Variants in CUBN observed in about 807,000 individuals in gnomAD.
The protein encoded by CUBN is cubilin, also known as 460 kDa receptor.
Under a neutral mutation model 405.3 loss-of-function variants are expected in CUBN, and 282 were observed. That is an observed-to-expected ratio of 0.70 (90% CI 0.63 to 0.77). The LOEUF (loss-of-function observed/expected upper bound fraction) is 0.77, where lower values mean the gene tolerates loss of function less well. Ranked by LOEUF, CUBN falls within the 30% of genes least tolerant of loss-of-function variation. The probability of loss-of-function intolerance (pLI) is 0.00; values close to 1 mark genes in which losing one functional copy is unlikely to be tolerated. For synonymous variants in CUBN, 1,684 were observed against 1,617.0 expected (o/e 1.04, Z -0.99); for missense variants, 4,514 against 4,475.2 (o/e 1.01, Z -0.25).
intron 65 of CUBN, among the ~76,000 whole-genome samples, chr10:16,829,937 G>T (rs4747285): frequency 0.3 from 43,365 of 143,716 alleles, 7,477 homozygotes; most frequent in African/African-American, 0.49. Flanking sequence ...GGTTTTTTTT[G>T]TTTTGTTTTT....
At position 16,829,022 on chromosome 10, in the gene CUBN, T is replaced by A. The variant is rs749941489; in HGVS notation, c.10547A>T (p.Tyr3516Phe). 6.7e-5 allele frequency: 108 copies of A among 1,613,896 alleles called. No homozygotes were observed. The highest frequency in any genetic ancestry group is 9.0e-5 in the Non-Finnish European group (106 of 1,179,950). The change falls in exon 66 of 67, where the codon TAT (tyrosine) becomes TTT (phenylalanine). Residue 3516 changes from tyrosine to phenylalanine, a missense_variant. Tyr to Phe is a conservative substitution (Grantham distance 22). This residue lies in a region of CUBN where 1,186 missense variants were observed against 1,186.9 expected (regional missense o/e 1.00). Coordinates refer to ENST00000377833, the MANE Select transcript of CUBN (RefSeq NM_001081.4). ...GCTGGTGAATGAGCCTCTGTCTCCA[T>A]AAAGAGTTCCACCACATCCTGCAAG... is the stretch of plus-strand genomic sequence containing the variant. ...SSPSGCGGTL[Y>F]GDRGSFTSPG...
chr10:17,006,762 C>T (rs576454167), intron 28 of CUBN, among the ~76,000 whole-genome samples: 3 of 145,984 alleles, frequency 2.1e-5, no homozygotes, highest in Admixed American at 1.4e-4. Flanking sequence ...GATGTTGACA[C>T]GGTTTTTAAA....
intron 60 of CUBN, among the ~76,000 whole-genome samples, chr10:16,845,541 T>C (rs1839484313): frequency 1.3e-5 from 2 of 152,200 alleles, no homozygotes; most frequent in African/African-American, 4.8e-5. Context: ...TAGTCCCAGA[T>C]GTCTGGGAAA....
chr10:16,827,651 G>T (rs1430808296), intron 66 of CUBN, among the ~76,000 whole-genome samples: 2 of 152,238 alleles, frequency 1.3e-5, no homozygotes, highest in Non-Finnish European at 2.9e-5. Flanking sequence ...GCCCAGGCTG[G>T]AGTGGAGTGG....
At chr10:16,901,314 T>A (rs745399619) in intron 52 of CUBN, 24 bp downstream of exon 52, 15 of 1,613,890 alleles carry the variant, frequency 9.3e-6, no homozygotes, top group Non-Finnish European at 1.3e-5. Flanking sequence ...CTCAGAAGCA[T>A]TTCACCCAGT....
rs7895036 is a variant in CUBN, at chr10:16,939,369, C to T, written c.5549-222G>A. On this transcript the variant is annotated intron_variant, in intron 37 of 66. Coordinates refer to ENST00000377833, the MANE Select transcript of CUBN (RefSeq NM_001081.4). ...TGCATGGTGTGAAAAGAGGCCACAA[C>T]TTCCCATGTGAAAAGGGGTTCTGAG... Among the ~76,000 whole-genome samples, 381 of 152,278 alleles carry T rather than the reference C, an allele frequency of 2.5e-3. 1 individual carries two copies. The highest frequency in any genetic ancestry group is 8.9e-3 in the African/African-American group (368 of 41,564).
chr10:16,944,813 T>C (rs1473013274), intron 36 of CUBN, among the ~76,000 whole-genome samples: 1 of 152,194 alleles, frequency 6.6e-6, no homozygotes, highest in Non-Finnish European at 1.5e-5. Context: ...TAATCTCCCA[T>C]CCTCTGGAAG....
At chr10:16,955,987 T>C (rs1454551257) in intron 31 of CUBN, among the ~76,000 whole-genome samples, 6 of 151,992 alleles carry the variant, frequency 3.9e-5, no homozygotes, top group African/African-American at 1.5e-4. Flanking sequence ...TAAAAACAAA[T>C]TGCCATTTAT....
chr10:17,030,089 T>C (rs1452413097), intron 27 of CUBN, among the ~76,000 whole-genome samples: 2 of 152,212 alleles, frequency 1.3e-5, no homozygotes, highest in African/African-American at 4.8e-5. Flanking sequence ...GAGAATCGAA[T>C]GCCTGATAAT....
chr10:17,088,445 T>C, intron 14 of CUBN, 100 bp from the exon 15 acceptor site: 1 of 934,262 alleles, frequency 1.1e-6, no homozygotes. Flanking sequence ...TTTGTTTAAA[T>C]AACTATGAGC....
chr10:17,078,561 A>T (rs1259178824), intron 17 of CUBN, among the ~76,000 whole-genome samples: 1 of 152,186 alleles, frequency 6.6e-6, no homozygotes, highest in Non-Finnish European at 1.5e-5. Context: ...TCTTGAAATT[A>T]TGTAGTGTGT....
At chr10:17,043,021 A>G (rs1039437628) in intron 26 of CUBN, among the ~76,000 whole-genome samples, 1 of 152,184 alleles carries the variant, frequency 6.6e-6, no homozygotes, top group African/African-American at 2.4e-5. Flanking sequence ...ATCAAATAAC[A>G]AATTCAAGAA....
chr10:16,919,506 A>C (rs1351501903), intron 44 of CUBN, among the ~76,000 whole-genome samples: 1 of 152,206 alleles, frequency 6.6e-6, no homozygotes. Flanking sequence ...ACTCTTATTA[A>C]ATAAAGACTG....
At chr10:16,963,830 C>A (rs1454474882) in intron 31 of CUBN, among the ~76,000 whole-genome samples, 1 of 152,116 alleles carries the variant, frequency 6.6e-6, no homozygotes. Flanking sequence ...ACATGATGTA[C>A]ATAAAGTCTT....
intron 40 of CUBN, among the ~76,000 whole-genome samples, chr10:16,930,867 T>C (rs1842343571): frequency 6.6e-6 from 1 of 152,194 alleles, no homozygotes; most frequent in Non-Finnish European, 1.5e-5. Context: ...TGTGGCCAGT[T>C]GGCTTTAGAT....
chr10:16,879,500 A>G (rs1256271621), intron 56 of CUBN, among the ~76,000 whole-genome samples: 1 of 152,240 alleles, frequency 6.6e-6, no homozygotes, highest in South Asian at 2.1e-4. Flanking sequence ...AGCACATGCT[A>G]TGGCACGGTG....
intron 60 of CUBN, among the ~76,000 whole-genome samples, chr10:16,849,992 A>G (rs1839637257): frequency 6.6e-6 from 1 of 152,218 alleles, no homozygotes; most frequent in Admixed American, 6.5e-5. Context: ...ACTCTTTAGC[A>G]CTATTCTGCT....
intron 14 of CUBN, among the ~76,000 whole-genome samples, chr10:17,098,023 C>T (rs1330926627): frequency 1.3e-5 from 2 of 152,126 alleles, no homozygotes; most frequent in Admixed American, 1.3e-4. Flanking sequence ...GAAAAATTCC[C>T]ACGCAGCACC....
intron 28 of CUBN, among the ~76,000 whole-genome samples, chr10:17,008,539 C>G (rs1834095371): frequency 6.6e-6 from 1 of 151,884 alleles, no homozygotes; most frequent in East Asian, 1.9e-4. Flanking sequence ...CAGTTCCATC[C>G]TCTTGACTTC....
Sources: allele counts gnomAD v4.1 joint callset (sites outside exome capture counted in the v4.1 genomes callset), GRCh38; gene constraint gnomAD v4.1.1; regional missense constraint gnomAD v4.1.1; transcripts MANE v1.5; gene names NCBI Gene and HGNC (gene_info 2026-07-23, HGNC 2026-07-21).